Variants in FSTL5 observed in about 807,000 individuals in gnomAD.
The protein encoded by FSTL5 is follistatin-related protein 5.
A neutral mutation model predicts 89.1 loss-of-function variants in FSTL5; 62 were observed. The observed-to-expected ratio is 0.70, with a 90% confidence interval of 0.57 to 0.86. The LOEUF (loss-of-function observed/expected upper bound fraction) is 0.86, where lower values mean the gene tolerates loss of function less well. Among genes scored for constraint, FSTL5 ranks in the 40% least tolerant of loss-of-function variants. The pLI is 0.00. For missense variants in FSTL5, 1,057 were observed against 1,001.6 expected, an observed-to-expected ratio of 1.06 and a Z score of -0.75; for synonymous variants, 383 against 346.2, an observed-to-expected ratio of 1.11 and a Z score of -1.18.
intron 8 of FSTL5, among the ~76,000 whole-genome samples, chr4:161,572,346 AG>A: frequency 7.3e-6 from 1 of 136,366 alleles, no homozygotes; most frequent in African/African-American, 2.7e-5. Context: ...AAAAAAAAAG[AG>A]AGAGAGAGAG....
chr4:161,685,386 A>T (rs992856255), intron 6 of FSTL5, among the ~76,000 whole-genome samples: 1 of 151,976 alleles, frequency 6.6e-6, no homozygotes, highest in East Asian at 1.9e-4. Context: ...TGAGCATGGG[A>T]TGTGTTTCCA....
At chr4:162,012,910 G>T (rs1483907645) in intron 3 of FSTL5, among the ~76,000 whole-genome samples, 1 of 152,080 alleles carries the variant, frequency 6.6e-6, no homozygotes, top group African/African-American at 2.4e-5. Context: ...TCAGCTGGGC[G>T]TCGTGGCTCA....
rs188876991 is a variant in FSTL5 at position 161,917,285 on chromosome 4, A to G, written c.409+3119T>C. ...ATAAGTTTAAACATAAATGCCAAAT[A>G]TAAATCTGATATAAACAAACAGGAC... On this transcript the variant is annotated intron_variant, in intron 4 of 15. Coordinates refer to ENST00000306100, the MANE Select transcript of FSTL5 (RefSeq NM_020116.5). Among the ~76,000 whole-genome samples, 281 of 152,302 alleles carry G rather than the reference A, an allele frequency of 1.8e-3. 2 individuals are homozygous for G. The highest frequency in any genetic ancestry group is 6.8e-3 in the Middle Eastern group (2 of 294).
chr4:161,598,524 C>T (rs186438438), intron 7 of FSTL5, among the ~76,000 whole-genome samples: 1 of 152,202 alleles, frequency 6.6e-6, no homozygotes, highest in East Asian at 1.9e-4. Context: ...TTGCCTCTAT[C>T]ATATATCAAG....
chr4:162,004,902 A>T (rs190739328), intron 3 of FSTL5, among the ~76,000 whole-genome samples: 1 of 152,058 alleles, frequency 6.6e-6, no homozygotes, highest in Non-Finnish European at 1.5e-5. Context: ...TGTCCCCATG[A>T]TTTTGTTCCT....
intron 2 of FSTL5, among the ~76,000 whole-genome samples, chr4:162,063,284 A>G (rs1385389537): frequency 1.3e-5 from 2 of 151,802 alleles, no homozygotes; most frequent in African/African-American, 4.8e-5. Context: ...AAAAATATAC[A>G]TAGTTTTAAA....
chr4:161,948,129 A>G (rs1734786234), intron 3 of FSTL5, among the ~76,000 whole-genome samples: 2 of 151,728 alleles, frequency 1.3e-5, no homozygotes, highest in Admixed American at 6.6e-5. Context: ...ATTTAAAAAA[A>G]AAAAGCTGCT....
At chr4:161,449,803 T>G (rs919007317) in intron 15 of FSTL5, among the ~76,000 whole-genome samples, 1 of 152,200 alleles carries the variant, frequency 6.6e-6, no homozygotes, top group Non-Finnish European at 1.5e-5. Context: ...AGTGAGAACC[T>G]TAAAGGATTT....
chr4:162,047,971 A>C (rs557552924), intron 2 of FSTL5, among the ~76,000 whole-genome samples: 2 of 152,180 alleles, frequency 1.3e-5, no homozygotes, highest in Admixed American at 6.6e-5. Flanking sequence ...CATATAAATC[A>C]GCCTAATTTT....
chr4:161,638,678 G>A (rs888535694), intron 7 of FSTL5, among the ~76,000 whole-genome samples: 5 of 135,928 alleles, frequency 3.7e-5, no homozygotes, highest in Admixed American at 2.4e-4. Flanking sequence ...TACCAAAGCC[G>A]GGCAGAGACA....
chr4:161,976,716 C>T (rs1308071312), intron 3 of FSTL5, among the ~76,000 whole-genome samples: 3 of 152,190 alleles, frequency 2.0e-5, no homozygotes, highest in Non-Finnish European at 2.9e-5. Context: ...CTCCTGACCT[C>T]GTGATCCACC....
chr4:161,579,709 C>G (rs1578941764), intron 8 of FSTL5, among the ~76,000 whole-genome samples: 1 of 116,552 alleles, frequency 8.6e-6, no homozygotes, highest in South Asian at 2.7e-4. Context: ...GGCGCAAGAC[C>G]ATTTCAAAAA....
chr4:161,560,106 G>A (rs935986306), intron 8 of FSTL5, among the ~76,000 whole-genome samples: 1 of 151,392 alleles, frequency 6.6e-6, no homozygotes, highest in Non-Finnish European at 1.5e-5. Context: ...TTTATATGTG[G>A]CCCAAGACAA....
chr4:161,978,211 T>C (rs1735718408), intron 3 of FSTL5, among the ~76,000 whole-genome samples: 1 of 152,206 alleles, frequency 6.6e-6, no homozygotes, highest in Non-Finnish European at 1.5e-5. Context: ...TTAAGTAAAG[T>C]ACAATATGAA....
At chr4:161,623,269 G>A (rs1327910773) in intron 7 of FSTL5, among the ~76,000 whole-genome samples, 1 of 151,838 alleles carries the variant, frequency 6.6e-6, no homozygotes, top group South Asian at 2.1e-4. Flanking sequence ...GATTTTCCAG[G>A]TGGTACAATA....
In FSTL5 at chr4:161,527,366, A is replaced by C. The variant is rs999853168; in HGVS notation, c.1312+10800T>G. Among the ~76,000 whole-genome samples the C allele has an allele frequency of 9.8e-5, 15 of 152,286 alleles. No homozygotes were observed. In the East Asian group the frequency reaches 1.2e-3, roughly 12 times the overall value. On this transcript the variant is annotated intron_variant, in intron 10 of 15. Coordinates refer to ENST00000306100, the MANE Select transcript of FSTL5 (RefSeq NM_020116.5). ...ATCAGAGTGAACAGGCAACCTACAAAATGGGAGAAAATTTTCGCAACCTAC... is the reference window on the plus strand; with the variant it reads ...ATCAGAGTGAACAGGCAACCTACAACATGGGAGAAAATTTTCGCAACCTAC...
intron 10 of FSTL5, among the ~76,000 whole-genome samples, chr4:161,512,717 A>G (rs72988983): frequency 0.022 from 3,400 of 152,208 alleles, 130 homozygotes; most frequent in African/African-American, 0.077. Flanking sequence ...ATAGATAAAA[A>G]TCAAGGCACT....
At position 162,073,966 on chromosome 4, in the gene FSTL5, A is replaced by G. The variant is rs114715777; in HGVS notation, c.126+37305T>C. On this transcript the variant is annotated intron_variant, in intron 2 of 15. Transcript: ENST00000306100. Reference sequence around the variant, plus strand: ...GGAAGTAATACATGTAAAAACTGAAATTTTTTCCTTGTATTTTCACATCTC... The same window carrying G: ...GGAAGTAATACATGTAAAAACTGAAGTTTTTTCCTTGTATTTTCACATCTC... Among the ~76,000 whole-genome samples, 775 of 151,680 alleles carry G rather than the reference A, an allele frequency of 5.1e-3. 5 individuals are homozygous for G. The highest frequency in any genetic ancestry group is 0.018 in the African/African-American group (750 of 41,438).
At chr4:161,880,290 T>A (rs549496867) in intron 4 of FSTL5, among the ~76,000 whole-genome samples, 1 of 152,148 alleles carries the variant, frequency 6.6e-6, no homozygotes, top group South Asian at 2.1e-4. Flanking sequence ...AAAATTAATA[T>A]TAATATTAAT....
Sources: gnomAD v4.1 joint callset for allele counts (sites outside exome capture counted in the v4.1 genomes callset) on GRCh38, gnomAD v4.1.1 for gene constraint, MANE v1.5 for transcripts, NCBI Gene and HGNC (gene_info 2026-07-23, HGNC 2026-07-21) for gene names.